The following EPHA6 variants were observed in gnomAD, a reference collection of about 807,000 sequenced individuals.
The protein encoded by EPHA6 is ephrin type-A receptor 6.
In EPHA6, 50 loss-of-function variants were observed where a neutral mutation model predicts 112.0. The ratio of observed to expected loss-of-function variants is 0.45; its 90% CI spans 0.36 to 0.56. The LOEUF (loss-of-function observed/expected upper bound fraction) is 0.56, where lower values mean the gene tolerates loss of function less well. EPHA6 is among the 20% of genes least tolerant of loss of function. The pLI is 0.00. For missense variants in EPHA6, 1,280 were observed against 1,417.4 expected, an observed-to-expected ratio of 0.90 and a Z score of 1.56; for synonymous variants, 529 against 490.7, an observed-to-expected ratio of 1.08 and a Z score of -1.03.
intron 3 of EPHA6, among the ~76,000 whole-genome samples, chr3:97,093,891 A>G (rs1174254634): frequency 6.6e-6 from 1 of 152,094 alleles, no homozygotes; most frequent in African/African-American, 2.4e-5. Flanking sequence ...TCCTTTTTGT[A>G]TCTAGGACCT....
At chr3:97,355,808 T>C (rs754746026) in intron 5 of EPHA6, among the ~76,000 whole-genome samples, 6 of 151,832 alleles carry the variant, frequency 4.0e-5, no homozygotes, top group Non-Finnish European at 5.9e-5. Context: ...CCTATAAAGA[T>C]ACACATAGAC....
intron 1 of EPHA6, among the ~76,000 whole-genome samples, chr3:96,864,774 C>A (rs968888307): frequency 6.6e-6 from 1 of 151,996 alleles, no homozygotes; most frequent in African/African-American, 2.4e-5. Context: ...GGAATGCCAA[C>A]TAACTTATTA....
intron 2 of EPHA6, among the ~76,000 whole-genome samples, chr3:96,886,389 TA>T (rs1290678793): frequency 6.6e-6 from 1 of 152,214 alleles, no homozygotes; most frequent in Non-Finnish European, 1.5e-5. Flanking sequence ...ACGATTGTGA[TA>T]TTTTCCTCTT....
At chr3:96,842,839 C>T (rs1282884996) in intron 1 of EPHA6, among the ~76,000 whole-genome samples, 4 of 151,982 alleles carry the variant, frequency 2.6e-5, no homozygotes, top group African/African-American at 9.7e-5. Flanking sequence ...AATCTATTAA[C>T]ACCTTGGATA....
chr3:96,920,425 A>G (rs1485482224), intron 2 of EPHA6, among the ~76,000 whole-genome samples: 1 of 151,978 alleles, frequency 6.6e-6, no homozygotes, highest in Non-Finnish European at 1.5e-5. Flanking sequence ...GCATTAATTT[A>G]TTCAGTGCAC....
chr3:97,391,346 C>T (rs189549318), intron 5 of EPHA6, among the ~76,000 whole-genome samples: 95 of 151,966 alleles, frequency 6.3e-4, no homozygotes, highest in African/African-American at 2.2e-3. Context: ...TGTATGGCAC[C>T]ATACTAGGTC....
intron 6 of EPHA6, among the ~76,000 whole-genome samples, chr3:97,426,001 A>G (rs1255039823): frequency 2.6e-5 from 4 of 152,098 alleles, no homozygotes; most frequent in African/African-American, 9.7e-5. Context: ...ATACATTTTG[A>G]TCAAAGCCAT....
At chr3:97,472,316 A>T (rs1386265060) in intron 7 of EPHA6, among the ~76,000 whole-genome samples, 1 of 151,648 alleles carries the variant, frequency 6.6e-6, no homozygotes, top group Non-Finnish European at 1.5e-5. Context: ...GGTCTTGGGG[A>T]ACATCTGTCT....
chr3:97,709,379 GC>G (rs1425810068), intron 14 of EPHA6, among the ~76,000 whole-genome samples: 1 of 152,228 alleles, frequency 6.6e-6, no homozygotes, highest in African/African-American at 2.4e-5. Context: ...GGGGCCTGTG[GC>G]CCCTTTGTTT....
In EPHA6 at chr3:97,735,726, G is replaced by A. The variant is rs184254445; in HGVS notation, c.2935-199G>A. On this transcript the variant is annotated intron_variant, in intron 15 of 17. Coordinates refer to ENST00000389672, the MANE Select transcript of EPHA6 (RefSeq NM_001080448.3). ...CATGTTTAAAACATATTTTCCTCTC[G>A]TAGGGTGAGCAGATGCTTTGGAGCT... Among the ~76,000 whole-genome samples, 461 of 151,850 alleles carry A rather than the reference G, an allele frequency of 3.0e-3. 3 individuals are homozygous for A. Among genetic ancestry groups the A allele is most frequent in the African/African-American group, 0.01 (420 of 41,434 alleles).
intron 2 of EPHA6, among the ~76,000 whole-genome samples, chr3:96,892,839 A>G (rs1361104371): frequency 6.6e-6 from 1 of 152,054 alleles, no homozygotes; most frequent in Non-Finnish European, 1.5e-5. Context: ...TGTTTCTTGT[A>G]GGTAAATAAG....
At chr3:97,092,066 G>T (rs2047083352) in intron 3 of EPHA6, among the ~76,000 whole-genome samples, 1 of 148,966 alleles carries the variant, frequency 6.7e-6, no homozygotes, top group African/African-American at 2.5e-5. Context: ...TTTTTTAAAT[G>T]CTATATTTTG....
chr3:97,068,156 AAAAAAAAAG>A (rs1166926561), intron 3 of EPHA6, among the ~76,000 whole-genome samples: 4 of 121,344 alleles, frequency 3.3e-5, no homozygotes, highest in East Asian at 2.1e-4. Flanking sequence ...CTCCATCTCA[AAAAAAAAAG>A]AAAAAAAAAA....
intron 14 of EPHA6, among the ~76,000 whole-genome samples, chr3:97,686,485 G>A (rs535326090): frequency 6.6e-6 from 1 of 152,152 alleles, no homozygotes; most frequent in Non-Finnish European, 1.5e-5. Flanking sequence ...CAATATAAGA[G>A]TCAATGAGAC....
chr3:97,052,806 C>G (rs2045725910), intron 3 of EPHA6, among the ~76,000 whole-genome samples: 1 of 152,006 alleles, frequency 6.6e-6, no homozygotes, highest in Admixed American at 6.6e-5. Context: ...AGGGGACCAG[C>G]TAGGAAATCC....
chr3:97,522,322 T>C (rs1217441408), intron 10 of EPHA6, among the ~76,000 whole-genome samples: 2 of 152,224 alleles, frequency 1.3e-5, no homozygotes, highest in Non-Finnish European at 2.9e-5. Flanking sequence ...TTTCTGTTTC[T>C]TTATTCAGTT....
chr3:96,977,632 T>TG (rs2042586494), intron 2 of EPHA6, among the ~76,000 whole-genome samples: 2 of 152,122 alleles, frequency 1.3e-5, no homozygotes, highest in Non-Finnish European at 2.9e-5. Context: ...ATTTAATACT[T>TG]GAAATTATAA....
Position 97,612,880 on chromosome 3 carries a change from A to G in EPHA6, c.2574+2026A>G, listed in dbSNP as rs539676486. On this transcript the variant is annotated intron_variant, in intron 13 of 17. Transcript: ENST00000389672. ...TAAAGCTTGCAGAATAGTGCCTGAC[A>G]TATTGCAGGTGGCAGAGCAAGGATT... Among the ~76,000 whole-genome samples, 6 of 152,228 alleles carry G rather than the reference A, an allele frequency of 3.9e-5. No homozygotes were observed. In the East Asian group the frequency reaches 7.7e-4, roughly 20 times the overall value.
At chr3:97,583,296 T>C (rs2093456297) in intron 11 of EPHA6, among the ~76,000 whole-genome samples, 1 of 151,792 alleles carries the variant, frequency 6.6e-6, no homozygotes, top group Non-Finnish European at 1.5e-5. Flanking sequence ...TCCCAGCACT[T>C]TGGGAAGCCG....
Sources: allele counts gnomAD v4.1 joint callset (sites outside exome capture counted in the v4.1 genomes callset), GRCh38; gene constraint gnomAD v4.1.1; transcripts MANE v1.5; gene names NCBI Gene and HGNC (gene_info 2026-07-23, HGNC 2026-07-21).